The following AK8 variants were observed in gnomAD, a reference collection of about 807,000 sequenced individuals.
AK8 encodes the protein ATP-AMP transphosphorylase 8.
Under a neutral mutation model 54.6 loss-of-function variants are expected in AK8, and 44 were observed. That is an observed-to-expected ratio of 0.81 (90% CI 0.63 to 1.04). The LOEUF is 1.04. Among genes scored for constraint, AK8 ranks in the 50% least tolerant of loss-of-function variants. AK8 has a pLI of 0.00. For missense variants in AK8, 555 were observed against 613.6 expected (o/e 0.90, Z 1.01); for synonymous variants, 239 against 245.6 (o/e 0.97, Z 0.25).
chr9:132,823,478 C>A (rs558951698), intron 8 of AK8, 142 bp from the exon 9 acceptor site: 12 of 1,229,086 alleles, frequency 9.8e-6, no homozygotes, highest in African/African-American at 3.0e-5. Flanking sequence ...GTGCATCTGG[C>A]GAAGAGGCAG....
At chr9:132,757,704 C>T (rs1838256202) in intron 11 of AK8, among the ~76,000 whole-genome samples, 1 of 152,194 alleles carries the variant, frequency 6.6e-6, no homozygotes, top group Non-Finnish European at 1.5e-5. Flanking sequence ...TCTGTTCCCT[C>T]TTGTGGCCAG....
rs1192592495 is a variant in AK8 at position 132,781,166 on chromosome 9, T to A, written c.1121+11468A>T. ...GAACATAGTTCTTTCTTTGTTTCTT[T>A]CTTTCTTTCTTTTTTTTTACTATTA... is the stretch of plus-strand genomic sequence containing the variant. On this transcript the variant is annotated intron_variant, in intron 11 of 12. Transcript: ENST00000298545. This position sits in a 1 kb window ranked among gnomAD's most constrained non-coding sequence, Gnocchi z 4.6. 6.6e-6 allele frequency among the ~76,000 whole-genome samples: 1 copy of A among 152,208 alleles called. No homozygotes were observed. Among genetic ancestry groups the A allele is most frequent in the Non-Finnish European group, 1.5e-5 (1 of 68,034 alleles).
chr9:132,873,399 A>G (rs1395214574), intron 2 of AK8, among the ~76,000 whole-genome samples: 1 of 152,138 alleles, frequency 6.6e-6, no homozygotes, highest in Non-Finnish European at 1.5e-5. Context: ...ACATTTTAAG[A>G]TGAGTGAGCT....
intron 5 of AK8, among the ~76,000 whole-genome samples, chr9:132,848,696 C>A (rs1842850717): frequency 6.6e-6 from 1 of 152,152 alleles, no homozygotes; most frequent in Non-Finnish European, 1.5e-5. Flanking sequence ...GCAGGCAAGA[C>A]CATCTTGCTA....
chr9:132,812,740 G>C (rs1222700328), intron 10 of AK8, among the ~76,000 whole-genome samples: 1 of 152,210 alleles, frequency 6.6e-6, no homozygotes, highest in South Asian at 2.1e-4. Context: ...CACATGGCTG[G>C]TGGGGGCAGC....
rs115914987 is a variant in AK8 at position 132,806,353 on chromosome 9, G to A, written c.979+8285C>T. Among the ~76,000 whole-genome samples, 938 of 152,140 alleles carry A rather than the reference G, an allele frequency of 6.2e-3. 3 individuals are homozygous for A. Among genetic ancestry groups the A allele is most frequent in the African/African-American group, 0.018 (748 of 41,476 alleles). ...CTCCTGTTCCCCCAAGCACTGTACC[G>A]GTTACTGTACCCACTGTCTCTCCCT... On this transcript the variant is annotated intron_variant, in intron 10 of 12. Transcript: ENST00000298545.
At chr9:132,865,009 A>C (rs1268982240) in intron 3 of AK8, among the ~76,000 whole-genome samples, 1 of 152,110 alleles carries the variant, frequency 6.6e-6, no homozygotes, top group Non-Finnish European at 1.5e-5. Context: ...TCTAACTACT[A>C]GTTTTTTGGG....
At chr9:132,732,409 C>T (rs1251891437) in intron 11 of AK8, among the ~76,000 whole-genome samples, 1 of 152,118 alleles carries the variant, frequency 6.6e-6, no homozygotes, top group East Asian at 1.9e-4. Context: ...AGGATTATAT[C>T]TTTCAGGATT....
chr9:132,755,525 C>T (rs1173933650), intron 11 of AK8, among the ~76,000 whole-genome samples: 4 of 152,256 alleles, frequency 2.6e-5, no homozygotes, highest in African/African-American at 2.4e-5. Flanking sequence ...CTGCGCCTCA[C>T]TCCCACCTTT....
chr9:132,760,044 C>T (rs1373429379), intron 11 of AK8, among the ~76,000 whole-genome samples: 1 of 152,180 alleles, frequency 6.6e-6, no homozygotes, highest in Non-Finnish European at 1.5e-5. Context: ...ATTAGCGTCC[C>T]TAACCATGAA....
chr9:132,874,421 G>A (rs953745839), intron 2 of AK8: 1 of 152,508 alleles, frequency 6.6e-6, no homozygotes, highest in Non-Finnish European at 1.5e-5. Flanking sequence ...CTGGTGCACT[G>A]GTAGCTCCTT....
At chr9:132,754,639 G>C (rs1838101693) in intron 11 of AK8, among the ~76,000 whole-genome samples, 1 of 152,092 alleles carries the variant, frequency 6.6e-6, no homozygotes, top group African/African-American at 2.4e-5. Flanking sequence ...CTGTTCCCGG[G>C]AGGACAGTTG....
chr9:132,752,251 CTTTT>C (rs753096887), intron 11 of AK8, among the ~76,000 whole-genome samples: 2 of 134,002 alleles, frequency 1.5e-5, no homozygotes, highest in Admixed American at 7.5e-5. Context: ...CATTTTCTAA[CTTTT>C]TTTTTTTTTT....
chr9:132,839,824 G>GT (rs1554801266), intron 5 of AK8, among the ~76,000 whole-genome samples: 4 of 147,698 alleles, frequency 2.7e-5, no homozygotes, highest in African/African-American at 7.6e-5. Flanking sequence ...TTTTGCCGGG[G>GT]GGGGGGGCGC....
chr9:132,804,090 G>A (rs1386090302), intron 10 of AK8, among the ~76,000 whole-genome samples: 1 of 140,722 alleles, frequency 7.1e-6, no homozygotes, highest in Non-Finnish European at 1.5e-5. Flanking sequence ...TGGGGACAGA[G>A]TGAGACTCCA....
At chr9:132,737,148 AACACACAC>A (rs887935004) in intron 11 of AK8, among the ~76,000 whole-genome samples, 1 of 151,340 alleles carries the variant, frequency 6.6e-6, no homozygotes, top group Non-Finnish European at 1.5e-5. Context: ...ATATATATTT[AACACACAC>A]ACACACACAA....
At chr9:132,834,871 T>A (rs1041642839) in intron 5 of AK8, among the ~76,000 whole-genome samples, 39 of 38,974 alleles carry the variant, frequency 1.0e-3, no homozygotes, top group African/African-American at 2.1e-3. Flanking sequence ...AGAGGTGCCT[T>A]TTTTTTTTTT....
chr9:132,765,931 T>C (rs1002462610), intron 11 of AK8, among the ~76,000 whole-genome samples: 4 of 152,222 alleles, frequency 2.6e-5, no homozygotes, highest in Admixed American at 2.0e-4. Flanking sequence ...ATTTTGCATA[T>C]AGGAAACCCT....
At position 132,878,006 on chromosome 9, in the gene AK8, G is replaced by A. The variant is rs1844213995; in HGVS notation, c.84+166C>T. The stretch of plus-strand genomic sequence containing the variant: ...AGGACCAGGAGCGTCCCCAGCTCGA[G>A]GGCCCCCTCGGGGTCACGGCGACAC... On this transcript the variant is annotated intron_variant, in intron 1 of 12. Transcript: ENST00000298545. This position sits in a 1 kb window ranked among gnomAD's most constrained non-coding sequence, Gnocchi z 4.7. 1.3e-6 allele frequency: 2 copies of A among 1,510,054 alleles called. No individual in the cohort carries two copies. Among genetic ancestry groups the A allele is most frequent in the African/African-American group, 2.8e-5 (2 of 72,114 alleles). 93.5% of individuals were successfully genotyped at this position (1,510,054 alleles called of 1,614,324 possible).
Sources: gnomAD v4.1 joint callset for allele counts (sites outside exome capture counted in the v4.1 genomes callset) on GRCh38, gnomAD v4.1.1 for gene constraint, Gnocchi (gnomAD v3.1) non-coding constraint, MANE v1.5 for transcripts, NCBI Gene and HGNC (gene_info 2026-07-23, HGNC 2026-07-21) for gene names.